DHODH: variants seen among roughly 807,000 people sequenced by gnomAD.
The protein encoded by DHODH is dihydroorotate dehydrogenase (quinone).
A neutral mutation model predicts 39.7 loss-of-function variants in DHODH; 30 were observed. The observed-to-expected ratio is 0.76, with a 90% CI of 0.57 to 1.02. The LOEUF is 1.02. DHODH is among the 50% of genes least tolerant of loss of function. DHODH has a pLI of 0.00. For missense variants in DHODH, 531 were observed against 520.8 expected, an observed-to-expected ratio of 1.02 and a Z score of -0.19; for synonymous variants, 222 against 213.8, an observed-to-expected ratio of 1.04 and a Z score of -0.34.
rs931385878 is a variant in DHODH, at chr16:72,014,815, G to A, written c.434+143G>A. 7 of 851,308 alleles carry A rather than the reference G, an allele frequency of 8.2e-6. No individual in the cohort carries two copies. The South Asian group carries it at 8.9e-5, about 11-fold the overall frequency. 52.7% of individuals were successfully genotyped at this position (851,308 alleles called of 1,614,324 possible). A position where few individuals can be genotyped will look rare whatever the true frequency, so the allele number is the denominator to read the frequency against. The stretch of plus-strand genomic sequence containing the variant: ...TTGGAATGTTCAGGAACCCTGTTCA[G>A]CATCTACTATGTGCCCCAGGCATCT... On this transcript the variant is annotated intron_variant, in intron 3 of 8. Transcript: ENST00000219240.
chr16:72,024,096 G>A (rs1446338270), intron 8 of DHODH, 49 bp from the exon 9 acceptor site: 5 of 1,599,222 alleles, frequency 3.1e-6, no homozygotes, highest in Middle Eastern at 1.7e-4. Context: ...TAAGAGCAGG[G>A]CCTGTTCTCC....
chr16:72,022,214 G>A (rs1003922303), intron 5 of DHODH, 148 bp from the exon 6 acceptor site: 17 of 665,342 alleles, frequency 2.6e-5, no homozygotes, highest in Admixed American at 1.2e-4. Context: ...TACTCCTCAC[G>A]TCTGAGGGCT....
chr16:72,026,794 T>A lies in DHODH; in HGVS notation c.*2595T>A, dbSNP rs2041279434. The A allele has an allele frequency of 6.6e-6, 1 of 151,354 alleles. No homozygotes were observed. 9.4% of individuals were successfully genotyped at this position (151,354 alleles called of 1,614,324 possible). On this transcript the variant is annotated 3_prime_UTR_variant, in exon 9 of 9. Coordinates refer to ENST00000219240, the MANE Select transcript of DHODH (RefSeq NM_001361.5). ...GTGCGGATACCTATTTTTCTTTCTTTTCTTTTTTTTTTCTGAGACAGAGTC... is the reference window on the plus strand; with the variant it reads ...GTGCGGATACCTATTTTTCTTTCTTATCTTTTTTTTTTCTGAGACAGAGTC...
At position 72,017,043 on chromosome 16, in the gene DHODH, G is replaced by C; in HGVS notation, c.454G>C (p.Gly152Arg). 1 of 1,613,934 alleles carries C rather than the reference G, an allele frequency of 6.2e-7. No homozygotes were observed. The highest frequency in any genetic ancestry group is 8.5e-7 in the Non-Finnish European group (1 of 1,179,966). ...VINRYGFNSHGLSVVEHRLRA... is the reference protein window; with the variant it reads ...VINRYGFNSHRLSVVEHRLRA... ...CTGCAGGTATGGATTTAACAGTCACGGGCTTTCAGTGGTGGAACACAGGTT... is the reference window on the plus strand; with the variant it reads ...CTGCAGGTATGGATTTAACAGTCACCGGCTTTCAGTGGTGGAACACAGGTT... The change falls in exon 4 of 9, where the codon GGG (glycine) becomes CGG (arginine). Residue 152 changes from glycine to arginine, a missense_variant. Gly to Arg is a moderately radical substitution (Grantham distance 125, BLOSUM62 -2). Coordinates refer to ENST00000219240, the MANE Select transcript of DHODH (RefSeq NM_001361.5).
chr16:72,016,125 G>C (rs1004587052), intron 3 of DHODH: 4 of 152,688 alleles, frequency 2.6e-5, no homozygotes, highest in African/African-American at 9.6e-5. Context: ...CAAGTATTAT[G>C]TTCTTACACG....
chr16:72,018,187 A>G (rs2041164283), intron 4 of DHODH, among the ~76,000 whole-genome samples: 1 of 152,074 alleles, frequency 6.6e-6, no homozygotes, highest in African/African-American at 2.4e-5. Flanking sequence ...CCTGACCCTA[A>G]TGCCCCTGGG....
At chr16:72,014,778 T>C (rs972950508) in intron 3 of DHODH, 106 bp downstream of exon 3, 3 of 1,134,416 alleles carry the variant, frequency 2.6e-6, no homozygotes, top group Non-Finnish European at 3.9e-6. Context: ...AATGTGGACA[T>C]TCTTCTGTCA....
intron 4 of DHODH, chr16:72,020,372 T>TATATATATATGTGTATATATATATA (rs746414347): frequency 1.4e-5 from 1 of 70,892 alleles, no homozygotes; most frequent in African/African-American, 6.5e-5. Context: ...TATATATATA[T>TATATATATATGTGTATATATATATA]TTTTTTTTTT....
intron 3 of DHODH, among the ~76,000 whole-genome samples, chr16:72,015,313 G>A (rs7184117): frequency 2.6e-5 from 4 of 152,118 alleles, no homozygotes; most frequent in Non-Finnish European, 5.9e-5. Context: ...AGCCACATGC[G>A]GCCAGCAGGC....
intron 1 of DHODH, chr16:72,009,196 A>G: frequency 9.8e-7 from 1 of 1,025,128 alleles, no homozygotes; most frequent in Non-Finnish European, 1.2e-6. Context: ...TCTTAGCTGT[A>G]TCCCCGTATG....
chr16:72,020,081 T>G (rs1223081950), intron 4 of DHODH, among the ~76,000 whole-genome samples: 4 of 151,446 alleles, frequency 2.6e-5, no homozygotes, highest in South Asian at 2.1e-4. Flanking sequence ...ATGGAGACCA[T>G]CCTGGCCAAC....
At chr16:72,021,367 C>A in intron 5 of DHODH, 56 bp downstream of exon 5, 1 of 1,533,656 alleles carries the variant, frequency 6.5e-7, no homozygotes, top group Non-Finnish European at 8.8e-7. Context: ...CCACCTGCTC[C>A]CCTTCATTCT....
At chr16:72,016,698 G>A in intron 3 of DHODH, 1 of 373,878 alleles carries the variant, frequency 2.7e-6, no homozygotes, top group Non-Finnish European at 5.2e-6. Flanking sequence ...CTGTTTGGGA[G>A]CCCAGGCAGA....
At chr16:72,021,450 C>A in intron 5 of DHODH, 139 bp downstream of exon 5, 1 of 842,334 alleles carries the variant, frequency 1.2e-6, no homozygotes, top group Non-Finnish European at 1.9e-6. Context: ...CTGGCTATAC[C>A]TTCCCAGAGT....
chr16:72,012,919 T>C (rs1004539568), intron 2 of DHODH, among the ~76,000 whole-genome samples: 2 of 152,200 alleles, frequency 1.3e-5, no homozygotes, highest in Admixed American at 6.5e-5. Context: ...TAAGGGCCTC[T>C]GTTTCATGTG....
At chr16:72,011,707 A>G (rs1006207754) in intron 1 of DHODH, among the ~76,000 whole-genome samples, 5 of 152,238 alleles carry the variant, frequency 3.3e-5, no homozygotes, top group Non-Finnish European at 5.9e-5. Context: ...TCTCAAGCCA[A>G]GAAGGATGTC....
intron 4 of DHODH, chr16:72,020,334 T>TATATATATATAC (rs2041192605): frequency 3.2e-5 from 3 of 93,428 alleles, no homozygotes; most frequent in African/African-American, 1.4e-4. Context: ...TATGTGTATA[T>TATATATATATAC]ATATATATAT....
At chr16:72,019,095 A>T (rs552365397) in intron 4 of DHODH, among the ~76,000 whole-genome samples, 108 of 152,266 alleles carry the variant, frequency 7.1e-4, no homozygotes, top group Non-Finnish European at 1.4e-3. Flanking sequence ...AGCTGAGATT[A>T]TAGGCGCCCA....
At chr16:72,017,136 CTTAT>C (rs760299899) in intron 4 of DHODH, 30 bp downstream of exon 4, 66 of 1,602,640 alleles carry the variant, frequency 4.1e-5, no homozygotes, top group Non-Finnish European at 5.5e-5. Context: ...GTGGGCCTTT[CTTAT>C]TTATTAGGAG....
Sources: allele counts gnomAD v4.1 joint callset (sites outside exome capture counted in the v4.1 genomes callset), GRCh38; gene constraint gnomAD v4.1.1; transcripts MANE v1.5; gene names NCBI Gene and HGNC (gene_info 2026-07-23, HGNC 2026-07-21).